The following DMD variants were observed in gnomAD, a reference collection of about 807,000 sequenced individuals.
DMD encodes dystrophin.
A neutral mutation model predicts 330.1 loss-of-function variants in DMD; 63 were observed. The observed-to-expected ratio is 0.19, with a 90% CI of 0.16 to 0.24. The LOEUF (loss-of-function observed/expected upper bound fraction) is 0.24, where lower values mean the gene tolerates loss of function less well. Ranked by LOEUF, DMD falls within the 10% of genes least tolerant of loss-of-function variation. The pLI is 1.00. For synonymous variants in DMD, 1,223 were observed against 959.8 expected (o/e 1.27, Z -5.07); for missense variants, 3,344 against 2,684.1 (o/e 1.25, Z -5.43).
chrX:33,010,165 T>C (rs2093660256), intron 2 of DMD, among the ~76,000 whole-genome samples: 1 of 106,207 alleles, frequency 9.4e-6, no homozygotes, highest in South Asian at 3.9e-4. Flanking sequence ...TGTGTGTATA[T>C]GTATATATGC....
chrX:32,360,800 AAAT>A (rs199527400), intron 37 of DMD, among the ~76,000 whole-genome samples: 14 of 95,936 alleles, frequency 1.5e-4, no homozygotes, highest in South Asian at 5.3e-4. Context: ...CACACACACA[AAAT>A]AATAATAATA....
intron 1 of DMD, among the ~76,000 whole-genome samples, chrX:33,296,930 T>G (rs1418338922): frequency 5.4e-5 from 6 of 111,446 alleles, no homozygotes; most frequent in Admixed American, 3.8e-4. Context: ...ATTTTATTCT[T>G]GCAGCATTTG....
At chrX:31,684,349 T>C (rs1254753500) in intron 52 of DMD, among the ~76,000 whole-genome samples, 3 of 111,696 alleles carry the variant, frequency 2.7e-5, no homozygotes, top group Non-Finnish European at 3.8e-5. Context: ...AAGACAAAGA[T>C]GATGCCAGAT....
In DMD at chrX:32,888,860, G is replaced by T. The variant is rs368958436; in HGVS notation, c.94-39040C>A. 3.8e-4 allele frequency among the ~76,000 whole-genome samples: 43 copies of T among 111,726 alleles called. No individual in the cohort carries two copies. The East Asian group carries it at 7.1e-3, about 18-fold the overall frequency. ...AAAATCCTGTAATTGGGAACAATGT[G>T]GTTGAACCTGGAGGATTTTGGAGTT... On this transcript the variant is annotated intron_variant, in intron 2 of 78. Transcript: ENST00000357033.
chrX:32,804,737 C>T (rs1256250412), intron 7 of DMD, among the ~76,000 whole-genome samples: 2 of 112,038 alleles, frequency 1.8e-5, no homozygotes, highest in African/African-American at 3.2e-5. Flanking sequence ...TGGCTGGCAA[C>T]TGGTGGGTGC....
At chrX:32,634,511 T>G (rs912569140) in intron 11 of DMD, among the ~76,000 whole-genome samples, 3 of 112,176 alleles carry the variant, frequency 2.7e-5, no homozygotes, top group African/African-American at 9.7e-5. Flanking sequence ...TGGCTACAGC[T>G]GCTGATTATT....
chrX:33,020,136 T>A lies in DMD; in HGVS notation c.93+3A>T. On this transcript the variant is annotated splice_donor_region_variant and intron_variant, in intron 2 of 78. Coordinates refer to ENST00000357033, the MANE Select transcript of DMD (RefSeq NM_004006.3). ...TAAAAGTAAAGTAACAAACCATTCT[T>A]ACCTTAGAAAATTGTGCATTTACCC... The A allele has an allele frequency of 8.4e-7, 1 of 1,186,785 alleles. No individual in the cohort carries two copies. The highest frequency in any genetic ancestry group is 1.1e-6 in the Non-Finnish European group (1 of 876,431).
chrX:32,399,436 C>G (rs1480595688), intron 30 of DMD, among the ~76,000 whole-genome samples: 1 of 110,978 alleles, frequency 9.0e-6, no homozygotes, highest in East Asian at 2.8e-4. Context: ...TCTGAATAGA[C>G]TTTTTTTTGA....
intron 60 of DMD, among the ~76,000 whole-genome samples, chrX:31,355,870 TA>T (rs1303200886): frequency 1.3e-3 from 130 of 97,439 alleles, no homozygotes; most frequent in Non-Finnish European, 1.6e-3. Context: ...GAAAAAATAA[TA>T]AAAAAAAAAA....
chrX:32,854,939 T>A (rs1334732871), intron 2 of DMD, among the ~76,000 whole-genome samples: 2 of 111,645 alleles, frequency 1.8e-5, no homozygotes. Context: ...AACAAAATAC[T>A]AGCAAACCAA....
intron 30 of DMD, among the ~76,000 whole-genome samples, chrX:32,390,497 C>T (rs2097994029): frequency 9.0e-6 from 1 of 111,368 alleles, no homozygotes; most frequent in African/African-American, 3.3e-5. Flanking sequence ...TCAACTATTT[C>T]AGATATCATT....
At chrX:32,128,523 AT>A (rs749489708) in intron 44 of DMD, among the ~76,000 whole-genome samples, 4 of 112,366 alleles carry the variant, frequency 3.6e-5, no homozygotes, top group African/African-American at 1.3e-4. Flanking sequence ...CTTCTGATAA[AT>A]GCAAAGTACC....
intron 15 of DMD, among the ~76,000 whole-genome samples, chrX:32,572,337 G>A (rs1361703275): frequency 1.8e-5 from 2 of 111,324 alleles, no homozygotes; most frequent in Non-Finnish European, 1.9e-5. Flanking sequence ...TTATTATGAA[G>A]TACAATGCAA....
At chrX:32,707,312 G>A (rs1038664704) in intron 7 of DMD, among the ~76,000 whole-genome samples, 1 of 111,876 alleles carries the variant, frequency 8.9e-6, no homozygotes, top group Non-Finnish European at 1.9e-5. Flanking sequence ...ACTTGCCACT[G>A]TATCCCTGCT....
chrX:33,040,017 G>C (rs1365449425), intron 1 of DMD, among the ~76,000 whole-genome samples: 1 of 111,077 alleles, frequency 9.0e-6, no homozygotes, highest in Non-Finnish European at 1.9e-5. Context: ...GTCATCGTAG[G>C]AGCAGGAAAA....
At chrX:32,207,039 A>T (rs2147784893) in intron 44 of DMD, among the ~76,000 whole-genome samples, 1 of 111,844 alleles carries the variant, frequency 8.9e-6, no homozygotes, top group South Asian at 3.7e-4. Context: ...AAATAAAAGT[A>T]TTTTAATAAA....
At position 32,783,307 on chromosome X, in the gene DMD, C is replaced by T. The variant is rs747716825; in HGVS notation, c.649+26186G>A. 1.9e-4 allele frequency among the ~76,000 whole-genome samples: 18 copies of T among 96,778 alleles called. No individual in the cohort carries two copies. The East Asian group carries it at 4.4e-3, about 23-fold the overall frequency. The allele number at this position is 96,778 out of a possible 115,157, so 84.0% of individuals were successfully genotyped here. A position where few individuals can be genotyped will look rare whatever the true frequency, so the allele number is the denominator to read the frequency against. ...CCATATATACACACATATATGTACA[C>T]ATATATGGTATATATATACACACAT... On this transcript the variant is annotated intron_variant, in intron 7 of 78. Coordinates refer to ENST00000357033, the MANE Select transcript of DMD (RefSeq NM_004006.3).
At chrX:32,697,760 C>T in intron 9 of DMD, 110 bp downstream of exon 9, 8 of 1,072,876 alleles carry the variant, frequency 7.5e-6, no homozygotes, top group Non-Finnish European at 1.0e-5. Flanking sequence ...CAAACCAGCT[C>T]TTCACGAGGA....
At chrX:32,166,177 G>A (rs1318007884) in intron 44 of DMD, among the ~76,000 whole-genome samples, 2 of 111,460 alleles carry the variant, frequency 1.8e-5, no homozygotes, top group Non-Finnish European at 3.8e-5. Context: ...AATTTCGGCT[G>A]GGCATGGTGG....
Sources: allele counts gnomAD v4.1 joint callset (sites outside exome capture counted in the v4.1 genomes callset), GRCh38; gene constraint gnomAD v4.1.1; transcripts MANE v1.5; gene names NCBI Gene and HGNC (gene_info 2026-07-23, HGNC 2026-07-21).